DCC: variants seen among roughly 807,000 people sequenced by gnomAD.
DCC encodes netrin receptor DCC.
A neutral mutation model predicts 172.5 loss-of-function variants in DCC; 58 were observed. The observed-to-expected ratio is 0.34, with a 90% CI of 0.27 to 0.42. The LOEUF (loss-of-function observed/expected upper bound fraction) is 0.42, where lower values mean the gene tolerates loss of function less well. Ranked by LOEUF, DCC falls within the 10% of genes least tolerant of loss-of-function variation. The pLI is 1.00. For synonymous variants in DCC, 709 were observed against 644.5 expected, an observed-to-expected ratio of 1.10 and a Z score of -1.52; for missense variants, 1,740 against 1,791.0, an observed-to-expected ratio of 0.97 and a Z score of 0.51.
intron 7 of DCC, among the ~76,000 whole-genome samples, chr18:53,077,657 G>A (rs189590594): frequency 5.9e-5 from 9 of 152,196 alleles, no homozygotes; most frequent in Admixed American, 4.6e-4. Flanking sequence ...GGAAACTGCT[G>A]CACAGAAAAG....
chr18:52,774,629 G>A (rs142164088), intron 2 of DCC, among the ~76,000 whole-genome samples: 290 of 151,958 alleles, frequency 1.9e-3, no homozygotes, highest in Middle Eastern at 3.4e-3. Context: ...GTGTGTGATG[G>A]GGGTATGGCT....
intron 1 of DCC, among the ~76,000 whole-genome samples, chr18:52,401,518 C>G (rs1402121528): frequency 6.6e-6 from 1 of 151,988 alleles, no homozygotes; most frequent in Admixed American, 6.6e-5. Context: ...TTAAGCATTT[C>G]TAGAAATTAC....
chr18:52,814,062 T>C (rs1274844567), intron 2 of DCC, among the ~76,000 whole-genome samples: 3 of 152,340 alleles, frequency 2.0e-5, no homozygotes, highest in East Asian at 1.9e-4. Flanking sequence ...ATAAATCCTA[T>C]TGGATCTGTT....
chr18:53,009,211 C>T (rs1293430466), intron 5 of DCC, among the ~76,000 whole-genome samples: 1 of 151,866 alleles, frequency 6.6e-6, no homozygotes, highest in Non-Finnish European at 1.5e-5. Flanking sequence ...ATTTAAAACT[C>T]AGCCTGAAAA....
intron 2 of DCC, among the ~76,000 whole-genome samples, chr18:52,792,018 TG>T (rs1304588169): frequency 1.3e-5 from 2 of 152,104 alleles, no homozygotes; most frequent in Non-Finnish European, 2.9e-5. Flanking sequence ...ACATAAAGCC[TG>T]GTCTCTAGAA....
At chr18:52,647,143 ACCTTCT>A (rs1172203679) in intron 1 of DCC, among the ~76,000 whole-genome samples, 1 of 152,078 alleles carries the variant, frequency 6.6e-6, no homozygotes, top group Non-Finnish European at 1.5e-5. Context: ...CTCAGTATTG[ACCTTCT>A]CATCTGAACA....
At chr18:52,422,420 A>G (rs907020492) in intron 1 of DCC, among the ~76,000 whole-genome samples, 4 of 152,146 alleles carry the variant, frequency 2.6e-5, no homozygotes, top group Admixed American at 2.0e-4. Context: ...TTATTGGCTT[A>G]AATGTCCAGA....
intron 14 of DCC, among the ~76,000 whole-genome samples, chr18:53,338,766 G>T (rs1375626903): frequency 6.6e-6 from 1 of 152,102 alleles, no homozygotes; most frequent in African/African-American, 2.4e-5. Context: ...ATATGTCAGG[G>T]TGGCATGCAC....
At chr18:53,124,094 G>A (rs896076570) in intron 7 of DCC, among the ~76,000 whole-genome samples, 1 of 152,024 alleles carries the variant, frequency 6.6e-6, no homozygotes, top group African/African-American at 2.4e-5. Flanking sequence ...TTTCCTTCAT[G>A]AGATTGGTTA....
intron 1 of DCC, among the ~76,000 whole-genome samples, chr18:52,608,916 C>G (rs1404726663): frequency 6.6e-6 from 1 of 152,120 alleles, no homozygotes; most frequent in African/African-American, 2.4e-5. Context: ...ATTCTACCAT[C>G]AGACAATTGT....
chr18:53,143,270 C>T (rs2043856984), intron 7 of DCC, among the ~76,000 whole-genome samples: 1 of 152,080 alleles, frequency 6.6e-6, no homozygotes, highest in African/African-American at 2.4e-5. Flanking sequence ...CATGATTGTA[C>T]CACATTCTGT....
chr18:53,497,007 T>C (rs2046032516), intron 26 of DCC, among the ~76,000 whole-genome samples: 1 of 152,238 alleles, frequency 6.6e-6, no homozygotes, highest in African/African-American at 2.4e-5. Flanking sequence ...TAAAATGTAA[T>C]GTGCATTAAT....
chr18:52,555,404 A>G (rs901778720), intron 1 of DCC, among the ~76,000 whole-genome samples: 10 of 152,160 alleles, frequency 6.6e-5, no homozygotes, highest in Non-Finnish European at 1.3e-4. Context: ...AATGAATAGC[A>G]TGGACATTAG....
intron 12 of DCC, among the ~76,000 whole-genome samples, chr18:53,221,030 A>T (rs2055924594): frequency 1.3e-5 from 2 of 152,172 alleles, no homozygotes; most frequent in Non-Finnish European, 2.9e-5. Context: ...TCCCTTAAGG[A>T]TAAGATTGTG....
At chr18:53,314,886 G>A (rs934786698) in intron 13 of DCC, among the ~76,000 whole-genome samples, 2 of 152,122 alleles carry the variant, frequency 1.3e-5, no homozygotes, top group African/African-American at 4.8e-5. Context: ...GGGATACTCT[G>A]ATAAATAGTA....
intron 5 of DCC, among the ~76,000 whole-genome samples, chr18:53,053,788 A>G (rs997113210): frequency 1.3e-5 from 2 of 152,164 alleles, no homozygotes; most frequent in African/African-American, 4.8e-5. Context: ...TATTTGTGGC[A>G]TCAAACAACA....
intron 1 of DCC, among the ~76,000 whole-genome samples, chr18:52,692,856 T>C (rs2035950487): frequency 6.6e-6 from 1 of 152,096 alleles, no homozygotes; most frequent in East Asian, 1.9e-4. Flanking sequence ...TATTACCAAG[T>C]ATAAAACAAT....
chr18:53,285,649 G>A (rs915222492), intron 12 of DCC, among the ~76,000 whole-genome samples: 2 of 152,224 alleles, frequency 1.3e-5, no homozygotes, highest in African/African-American at 4.8e-5. Context: ...GCACTGCCTA[G>A]TGGAGCTATG....
intron 13 of DCC, 100 bp downstream of exon 13, chr18:53,305,819 G>T (rs2057193678): frequency 2.4e-6 from 3 of 1,260,488 alleles, no homozygotes; most frequent in Non-Finnish European, 3.5e-6. Context: ...TTTTCTTCCT[G>T]GCATCCAGGC....
Sources: allele counts gnomAD v4.1 joint callset (sites outside exome capture counted in the v4.1 genomes callset), GRCh38; gene constraint gnomAD v4.1.1; transcripts MANE v1.5; gene names NCBI Gene and HGNC (gene_info 2026-07-23, HGNC 2026-07-21).